PCDH7: variants seen among roughly 807,000 people sequenced by gnomAD.
PCDH7 encodes the protein protocadherin 7.
A neutral mutation model predicts 58.9 loss-of-function variants in PCDH7; 17 were observed. The ratio of observed to expected loss-of-function variants is 0.29; its 90% CI spans 0.20 to 0.43. The LOEUF is 0.43. Among genes scored for constraint, PCDH7 ranks in the 20% least tolerant of loss-of-function variants. The pLI, the probability that PCDH7 is intolerant of heterozygous loss-of-function variation, is 1.00. For missense variants in PCDH7, 1,274 were observed against 1,441.0 expected (o/e 0.88, Z 1.88); for synonymous variants, 664 against 616.4 (o/e 1.08, Z -1.14).
At chr4:30,944,634 T>C (rs1259480615) in intron 2 of PCDH7, among the ~76,000 whole-genome samples, 1 of 152,178 alleles carries the variant, frequency 6.6e-6, no homozygotes, top group Non-Finnish European at 1.5e-5. Context: ...TAGTGAGGAC[T>C]TAGGTTTTCC....
intron 1 of PCDH7, among the ~76,000 whole-genome samples, chr4:30,763,098 C>T (rs538727429): frequency 4.8e-4 from 73 of 152,124 alleles, no homozygotes; most frequent in Non-Finnish European, 9.0e-4. Context: ...CAAAATTAGC[C>T]TGTAATCCCA....
chr4:31,119,988 G>T (rs1189355194), intron 3 of PCDH7, among the ~76,000 whole-genome samples: 3 of 151,494 alleles, frequency 2.0e-5, no homozygotes, highest in Non-Finnish European at 4.4e-5. Flanking sequence ...CCTTTTCCTG[G>T]TGCTGGCTGC....
intron 3 of PCDH7, among the ~76,000 whole-genome samples, chr4:31,030,403 A>C (rs912351582): frequency 6.6e-6 from 1 of 152,194 alleles, no homozygotes. Flanking sequence ...TGCATTTAGG[A>C]ATGCTATCTG....
At chr4:30,926,402 T>G (rs1743877807) in intron 2 of PCDH7, among the ~76,000 whole-genome samples, 1 of 152,244 alleles carries the variant, frequency 6.6e-6, no homozygotes, top group South Asian at 2.1e-4. Flanking sequence ...GCTAGGATGG[T>G]CTCCAACTCC....
chr4:30,884,827 C>T (rs1737482161), intron 1 of PCDH7: 1 of 151,902 alleles, frequency 6.6e-6, no homozygotes, highest in African/African-American at 2.4e-5. Context: ...CTGGGTCACT[C>T]AGGAGGTCAG....
chr4:30,935,643 G>A (rs1161143914), intron 2 of PCDH7, among the ~76,000 whole-genome samples: 1 of 152,062 alleles, frequency 6.6e-6, no homozygotes, highest in African/African-American at 2.4e-5. Flanking sequence ...CATTCAGTGA[G>A]CAGTGGCAGA....
At chr4:30,819,394 A>C in intron 1 of PCDH7, among the ~76,000 whole-genome samples, 1 of 152,134 alleles carries the variant, frequency 6.6e-6, no homozygotes, top group East Asian at 1.9e-4. Context: ...GCTCTATTTA[A>C]CTATATATAC....
At chr4:31,127,512 C>T (rs1718445697) in intron 3 of PCDH7, among the ~76,000 whole-genome samples, 1 of 151,950 alleles carries the variant, frequency 6.6e-6, no homozygotes, top group African/African-American at 2.4e-5. Context: ...GGTCTGTTGC[C>T]ATTTTGTTGA....
At chr4:31,042,306 A>G (rs1373012439) in intron 3 of PCDH7, among the ~76,000 whole-genome samples, 2 of 152,198 alleles carry the variant, frequency 1.3e-5, no homozygotes, top group South Asian at 4.2e-4. Flanking sequence ...TGAGTCAGAT[A>G]CTCTTGTTAT....
chr4:30,736,320 T>A (rs1047304500), downstream of PCDH7, among the ~76,000 whole-genome samples: 6 of 152,118 alleles, frequency 3.9e-5, no homozygotes, highest in Admixed American at 3.9e-4. Context: ...ATTTCAATAA[T>A]TTGAGAGATA....
intron 3 of PCDH7, among the ~76,000 whole-genome samples, chr4:30,977,142 A>C (rs2109480794): frequency 6.6e-6 from 1 of 152,358 alleles, no homozygotes; most frequent in East Asian, 1.9e-4. Context: ...TATATACAAC[A>C]GGTATGAGAA....
At chr4:31,049,397 G>A (rs992363438) in intron 3 of PCDH7, among the ~76,000 whole-genome samples, 24 of 152,142 alleles carry the variant, frequency 1.6e-4, no homozygotes, top group African/African-American at 5.3e-4. Context: ...AGGAGGTATA[G>A]GCCCTAGTTA....
At chr4:30,982,715 C>T (rs1750672611) in intron 3 of PCDH7, among the ~76,000 whole-genome samples, 1 of 151,774 alleles carries the variant, frequency 6.6e-6, no homozygotes, top group African/African-American at 2.4e-5. Context: ...TTTTTTTTCC[C>T]AGTTACTTTA....
At chr4:30,966,639 A>G (rs1190046111) in intron 3 of PCDH7, among the ~76,000 whole-genome samples, 1 of 152,106 alleles carries the variant, frequency 6.6e-6, no homozygotes, top group Non-Finnish European at 1.5e-5. Flanking sequence ...TAGTTTCAAG[A>G]AAAACTGTAA....
intron 3 of PCDH7, among the ~76,000 whole-genome samples, chr4:31,068,231 G>A (rs1758247438): frequency 6.6e-6 from 1 of 151,402 alleles, no homozygotes; most frequent in Non-Finnish European, 1.5e-5. Context: ...AGTAGATAAT[G>A]TATGAAGGCA....
chr4:30,796,530 A>G (rs985253679), intron 1 of PCDH7, among the ~76,000 whole-genome samples: 1 of 152,208 alleles, frequency 6.6e-6, no homozygotes, highest in African/African-American at 2.4e-5. Flanking sequence ...AGTTGATCTG[A>G]TATTACAGTT....
intron 1 of PCDH7, among the ~76,000 whole-genome samples, chr4:30,739,325 G>A (rs1482675122): frequency 2.0e-5 from 3 of 151,252 alleles, no homozygotes; most frequent in African/African-American, 7.3e-5. Context: ...TTTCTAAGAA[G>A]TACCTTTCTA....
chr4:31,141,620 T>C (rs757654543), intron 3 of PCDH7, among the ~76,000 whole-genome samples: 6 of 152,244 alleles, frequency 3.9e-5, no homozygotes, highest in Non-Finnish European at 7.3e-5. Flanking sequence ...CTAAGAATTC[T>C]TTGTACATGA....
At chr4:30,966,857 G>C (rs1288069805) in intron 3 of PCDH7, among the ~76,000 whole-genome samples, 1 of 152,082 alleles carries the variant, frequency 6.6e-6, no homozygotes, top group Admixed American at 6.6e-5. Context: ...TCTTGTGAGA[G>C]AACATAATTT....
Sources: gnomAD v4.1 joint callset for allele counts (sites outside exome capture counted in the v4.1 genomes callset) on GRCh38, gnomAD v4.1.1 for gene constraint, MANE v1.5 for transcripts, NCBI Gene and HGNC (gene_info 2026-07-23, HGNC 2026-07-21) for gene names.